The following DISC1 variants were observed in gnomAD, a reference collection of about 807,000 sequenced individuals.
DISC1 encodes the protein DISC1 scaffold protein.
DISC1 carries 57 observed loss-of-function variants against 84.5 expected under a neutral mutation model. The ratio of observed to expected loss-of-function variants is 0.67; its 90% CI spans 0.55 to 0.84. The LOEUF (loss-of-function observed/expected upper bound fraction) is 0.84, where lower values mean the gene tolerates loss of function less well. Ranked by LOEUF, DISC1 falls within the 40% of genes least tolerant of loss-of-function variation. DISC1 has a pLI of 0.00. For missense variants in DISC1, 1,000 were observed against 1,057.8 expected (o/e 0.95, Z 0.76); for synonymous variants, 411 against 415.2 (o/e 0.99, Z 0.12).
intron 1 of DISC1, among the ~76,000 whole-genome samples, chr1:231,642,176 G>T (rs991091569): frequency 6.6e-6 from 1 of 152,154 alleles, no homozygotes; most frequent in Non-Finnish European, 1.5e-5. Flanking sequence ...GCCCGGGGCC[G>T]GCGGGGCCGG....
chr1:231,879,752 G>A (rs981237670), intron 9 of DISC1, among the ~76,000 whole-genome samples: 5 of 152,148 alleles, frequency 3.3e-5, no homozygotes, highest in African/African-American at 1.2e-4. Context: ...CAGATGGGTG[G>A]TCTATGATTG....
chr1:231,772,939 A>G (rs2076667287), intron 6 of DISC1, among the ~76,000 whole-genome samples: 1 of 152,102 alleles, frequency 6.6e-6, no homozygotes, highest in African/African-American at 2.4e-5. Flanking sequence ...TTTTCATCCA[A>G]ATGAAACGGG....
intron 9 of DISC1, among the ~76,000 whole-genome samples, chr1:231,952,786 C>T (rs555729989): frequency 4.7e-5 from 7 of 149,178 alleles, no homozygotes; most frequent in African/African-American, 9.9e-5. Context: ...AATGTTCTTC[C>T]CTACATTTTA....
intron 9 of DISC1, among the ~76,000 whole-genome samples, chr1:231,886,766 C>CCTTCCTTCCTTT (rs1322835316): frequency 7.7e-4 from 65 of 84,426 alleles, no homozygotes; most frequent in Admixed American, 1.5e-3. Flanking sequence ...TTCCTTCCTT[C>CCTTCCTTCCTTT]CTTTCTTTCT....
chr1:231,987,438 T>C (rs1664609541), intron 10 of DISC1, among the ~76,000 whole-genome samples: 1 of 152,272 alleles, frequency 6.6e-6, no homozygotes, highest in Admixed American at 6.5e-5. Context: ...TCTCCAAGTC[T>C]GCAATTTGCC....
intron 6 of DISC1, among the ~76,000 whole-genome samples, chr1:231,790,257 C>G (rs1263351275): frequency 6.6e-6 from 1 of 152,192 alleles, no homozygotes. Flanking sequence ...ATACCTATAA[C>G]TCATCATACC....
At chr1:231,728,562 A>G (rs2071063580) in intron 3 of DISC1, among the ~76,000 whole-genome samples, 1 of 152,180 alleles carries the variant, frequency 6.6e-6, no homozygotes, top group Non-Finnish European at 1.5e-5. Context: ...TTGGAGTTAT[A>G]CACTTAACCA....
rs189688600 is a variant in DISC1, at chr1:231,876,008, G to A, written c.1981+57491G>A. Among the ~76,000 whole-genome samples, 339 of 152,264 alleles carry A rather than the reference G, an allele frequency of 2.2e-3. 5 individuals carry two copies. Among genetic ancestry groups the A allele is most frequent in the Non-Finnish European group, 1.7e-3 (119 of 68,018 alleles). On this transcript the variant is annotated intron_variant, in intron 9 of 12. Coordinates refer to ENST00000439617, the MANE Select transcript of DISC1 (RefSeq NM_018662.3). Reference sequence around the variant, plus strand: ...TTCTATTTGGAAATGACTGATAAATGTGGGCTGAAAAGGCCCGAGAGCCCC... The same window carrying A: ...TTCTATTTGGAAATGACTGATAAATATGGGCTGAAAAGGCCCGAGAGCCCC...
intron 11 of DISC1, among the ~76,000 whole-genome samples, chr1:232,013,700 G>A (rs912228781): frequency 1.1e-4 from 17 of 152,132 alleles, no homozygotes; most frequent in African/African-American, 3.9e-4. Context: ...GGGGGTGAGC[G>A]GACCAGCAAG....
chr1:232,023,335 C>T (rs1669138305), intron 11 of DISC1, among the ~76,000 whole-genome samples: 1 of 152,090 alleles, frequency 6.6e-6, no homozygotes, highest in East Asian at 1.9e-4. Flanking sequence ...ACAATTATTT[C>T]CTCTTTCCTA....
At chr1:232,020,561 A>G (rs1240151392) in intron 11 of DISC1, among the ~76,000 whole-genome samples, 4 of 152,248 alleles carry the variant, frequency 2.6e-5, no homozygotes, top group Middle Eastern at 3.4e-3. Context: ...CCTGGGAAAC[A>G]AGATGGTGTT....
intron 9 of DISC1, among the ~76,000 whole-genome samples, chr1:231,840,377 A>G (rs1319518685): frequency 6.6e-6 from 1 of 152,220 alleles, no homozygotes; most frequent in East Asian, 1.9e-4. Flanking sequence ...CTTTATTCAT[A>G]ATTGCCTAAA....
At chr1:231,899,729 G>A (rs114983215) in intron 9 of DISC1, among the ~76,000 whole-genome samples, 1 of 152,290 alleles carries the variant, frequency 6.6e-6, no homozygotes, top group African/African-American at 2.4e-5. Flanking sequence ...CTAAGCATGA[G>A]CATTTGATTA....
chr1:231,780,248 A>G (rs923706371), intron 6 of DISC1, among the ~76,000 whole-genome samples: 1 of 151,188 alleles, frequency 6.6e-6, no homozygotes, highest in Non-Finnish European at 1.5e-5. Context: ...AAAAAAAAAA[A>G]AAAGAAAAGG....
intron 1 of DISC1, among the ~76,000 whole-genome samples, chr1:231,650,998 T>G (rs528005961): frequency 2.6e-5 from 4 of 152,214 alleles, no homozygotes; most frequent in Non-Finnish European, 5.9e-5. Flanking sequence ...TTCCTAGCAA[T>G]GGGTTCAAAT....
chr1:231,960,021 G>A (rs139291727), intron 10 of DISC1, among the ~76,000 whole-genome samples: 1,998 of 152,234 alleles, frequency 0.013, 22 homozygotes, highest in Middle Eastern at 0.017. Context: ...AAGCACGTGG[G>A]TATTGGTAAA....
At chr1:231,909,287 G>A (rs528080276) in intron 9 of DISC1, among the ~76,000 whole-genome samples, 1 of 152,178 alleles carries the variant, frequency 6.6e-6, no homozygotes, top group African/African-American at 2.4e-5. Context: ...TGCCCATTCA[G>A]TATGATATTG....
At chr1:231,699,135 G>A (rs1310345926) in intron 2 of DISC1, among the ~76,000 whole-genome samples, 1 of 152,260 alleles carries the variant, frequency 6.6e-6, no homozygotes, top group Middle Eastern at 3.4e-3. Flanking sequence ...GGAAGAGAAT[G>A]TTAGGGAGTC....
intron 3 of DISC1, among the ~76,000 whole-genome samples, chr1:231,706,261 C>G (rs2067076917): frequency 6.6e-6 from 1 of 152,138 alleles, no homozygotes; most frequent in African/African-American, 2.4e-5. Flanking sequence ...CTATCCCGTG[C>G]TTATGGTCAG....
Sources: allele counts gnomAD v4.1 joint callset (sites outside exome capture counted in the v4.1 genomes callset), GRCh38; gene constraint gnomAD v4.1.1; transcripts MANE v1.5; gene names NCBI Gene and HGNC (gene_info 2026-07-23, HGNC 2026-07-21).